The following STIP1 variants were observed in gnomAD, a reference collection of about 807,000 sequenced individuals.
STIP1 encodes the protein stress induced phosphoprotein 1.
STIP1 carries 16 observed loss-of-function variants against 77.4 expected under a neutral mutation model. That is an observed-to-expected ratio of 0.21 (90% confidence interval 0.14 to 0.31). The LOEUF (loss-of-function observed/expected upper bound fraction) is 0.31, where lower values mean the gene tolerates loss of function less well. Among genes scored for constraint, STIP1 ranks in the 10% least tolerant of loss-of-function variants. The probability of loss-of-function intolerance (pLI) is 1.00; values close to 1 mark genes in which losing one functional copy is unlikely to be tolerated. For synonymous variants in STIP1, 258 were observed against 246.6 expected, an observed-to-expected ratio of 1.05 and a Z score of -0.44; for missense variants, 524 against 684.8, an observed-to-expected ratio of 0.77 and a Z score of 2.62.
chr11:64,200,355 TCTCTCTC>T, intron 10 of STIP1, 62 bp downstream of exon 10: 1 of 1,549,064 alleles, frequency 6.5e-7, no homozygotes, highest in Non-Finnish European at 8.7e-7. Flanking sequence ...GGGTTTTCTC[TCTCTCTC>T]CTCATCAACA....
At chr11:64,192,892 A>AT (rs1277216696) in intron 1 of STIP1, among the ~76,000 whole-genome samples, 186 bp from the exon 2 acceptor site, 20 of 152,148 alleles carry the variant, frequency 1.3e-4, no homozygotes, top group Admixed American at 2.0e-4. Flanking sequence ...GCCCCTGCTT[A>AT]TTTTTTCTTT....
At chr11:64,196,435 G>T (rs373294332) in intron 5 of STIP1, among the ~76,000 whole-genome samples, 7 of 151,066 alleles carry the variant, frequency 4.6e-5, no homozygotes, top group Non-Finnish European at 7.4e-5. Flanking sequence ...AGCATTCCTA[G>T]GAGTAATGTG....
chr11:64,194,941 G>GT (rs1946132359), intron 4 of STIP1, among the ~76,000 whole-genome samples: 1 of 152,034 alleles, frequency 6.6e-6, no homozygotes, highest in Admixed American at 6.6e-5. Context: ...TGGAAACAGG[G>GT]TTGAAGTTCA....
intron 2 of STIP1, among the ~76,000 whole-genome samples, chr11:64,193,643 C>T (rs1396804957): frequency 6.6e-6 from 1 of 152,044 alleles, no homozygotes; most frequent in Non-Finnish European, 1.5e-5. Context: ...AAAATTTAGC[C>T]AGGCATGGTG....
Position 64,204,365 on chromosome 11 carries a change from T to C in STIP1, c.*239T>C, listed in dbSNP as rs1946260354. The C allele has an allele frequency of 2.0e-6, 1 of 496,804 alleles. No individual in the cohort carries two copies. The highest frequency in any genetic ancestry group is 3.5e-6 in the Non-Finnish European group (1 of 284,018). The allele number at this position is 496,804 out of a possible 1,614,324, so 30.8% of individuals were successfully genotyped here. A position where few individuals can be genotyped will look rare whatever the true frequency, so the allele number is the denominator to read the frequency against. On this transcript the variant is annotated 3_prime_UTR_variant, in exon 14 of 14. Transcript: ENST00000305218. ...GCTGCCCTCGAGTTCCATGTCTCTT[T>C]CCCCTGCCCCTAGTTGCTGTCTCGG...
At chr11:64,203,981 T>G in intron 13 of STIP1, 73 bp from the exon 14 acceptor site, 10 of 1,551,316 alleles carry the variant, frequency 6.4e-6, no homozygotes, top group Non-Finnish European at 8.9e-6. Flanking sequence ...GGGGGTTGAA[T>G]TGGGGCTTGC....
intron 1 of STIP1, among the ~76,000 whole-genome samples, chr11:64,190,840 GA>G (rs1458870530): frequency 6.6e-6 from 1 of 151,816 alleles, no homozygotes; most frequent in African/African-American, 2.4e-5. Flanking sequence ...ACCACAAAAA[GA>G]AAAAAACATT....
Position 64,197,859 on chromosome 11 carries a change from A to G in STIP1, c.908A>G (p.Tyr303Cys), listed in dbSNP as rs761224958. Residue 303 changes from tyrosine to cysteine, a missense_variant, in exon 8 of 14, where the codon TAT becomes TGT. Tyr to Cys is a radical substitution (Grantham distance 194). Transcript: ENST00000305218. ...TGTCCCTCTTTCTTTATCAGAGCATATGCTCGAATTGGCAACTCCTACTTC... is the reference window on the plus strand; with the variant it reads ...TGTCCCTCTTTCTTTATCAGAGCATGTGCTCGAATTGGCAACTCCTACTTC... The part of the protein sequence containing the change: ...REDYRQIAKA[Y>C]ARIGNSYFKE... 8 of 1,611,742 alleles carry G rather than the reference A, an allele frequency of 5.0e-6. No individual in the cohort carries two copies. The East Asian group carries it at 1.6e-4, about 31-fold the overall frequency.
rs1395114939 is a variant in STIP1, at chr11:64,193,183, G to A, written c.115G>A (p.Val39Met). 3 of 1,614,146 alleles carry A rather than the reference G, an allele frequency of 1.9e-6. No individual in the cohort carries two copies. Among genetic ancestry groups the A allele is most frequent in the Non-Finnish European group, 2.5e-6 (3 of 1,180,030 alleles). The stretch of plus-strand genomic sequence containing the variant: ...TATTAAGCTGGATCCCCACAACCAC[G>A]TGCTGTACAGCAACCGTTCTGCTGC... ...EAIKLDPHNH[V>M]LYSNRSAAYA... The change falls in exon 2 of 14, where the codon GTG (valine) becomes ATG (methionine). Residue 39 changes from valine to methionine, a missense_variant. Transcript: ENST00000305218.
rs369256383 is a variant in STIP1, at chr11:64,203,275, G to T, written c.1386+47G>T. 1.4e-4 allele frequency: 218 copies of T among 1,605,176 alleles called. 2 individuals carry two copies. The African/African-American group carries it at 2.4e-3, about 18-fold the overall frequency. ...AGGGGCCCCCCCTGCCTCTTTCTCT[G>T]TTGGGGCTTTTCCATGTTCAGTCCC... On this transcript the variant is annotated intron_variant, in intron 12 of 13. Coordinates refer to ENST00000305218, the MANE Select transcript of STIP1 (RefSeq NM_006819.3).
Position 64,193,110 on chromosome 11 carries a change from C to A in STIP1, c.42C>A (p.Ala14=), listed in dbSNP as rs777596225. The part of the protein sequence containing the change: ...VNELKEKGNK[A]LSVGNIDDAL... ...AGCTGAAGGAGAAAGGCAACAAGGC[C>A]CTGAGCGTGGGTAACATCGATGATG... Residue 14 remains alanine, a synonymous_variant, in exon 2 of 14, where the codon GCC becomes GCA. Transcript: ENST00000305218. The A allele has an allele frequency of 1.4e-5, 23 of 1,613,982 alleles. No homozygotes were observed. Among genetic ancestry groups the A allele is most frequent in the Non-Finnish European group, 1.9e-5 (23 of 1,180,038 alleles).
In STIP1 at chr11:64,194,247, G is replaced by A. The variant is rs1591008397; in HGVS notation, c.278G>A (p.Arg93Gln). The stretch of plus-strand genomic sequence containing the variant: ...TTAAACCGCTTTGAAGAAGCCAAGC[G>A]AACCTATGAGGAGGGCTTAAAACAC... Reference protein sequence around the residue: ...EFLNRFEEAKRTYEEGLKHEA... With the variant: ...EFLNRFEEAKQTYEEGLKHEA... Residue 93 changes from arginine to glutamine, a missense_variant, in exon 3 of 14, where the codon CGA becomes CAA. By Grantham distance (43) the Arg-to-Gln change is conservative (BLOSUM62 1). Transcript: ENST00000305218. 3.7e-6 allele frequency: 6 copies of A among 1,614,216 alleles called. No homozygotes were observed. Among genetic ancestry groups the A allele is most frequent in the East Asian group, 2.2e-5 (1 of 44,890 alleles).
chr11:64,198,106 T>C (rs1946171590), intron 8 of STIP1, 132 bp downstream of exon 8: 2 of 1,285,894 alleles, frequency 1.6e-6, no homozygotes, highest in Non-Finnish European at 2.1e-6. Flanking sequence ...TCACCCAGGC[T>C]GAAAGACAGT....
Position 64,197,291 on chromosome 11 carries a change from G to A in STIP1, c.693G>A (p.Leu231=). 6.2e-7 allele frequency: 1 copy of A among 1,614,068 alleles called. No homozygotes were observed. The highest frequency in any genetic ancestry group is 8.5e-7 in the Non-Finnish European group (1 of 1,180,020). The stretch of plus-strand genomic sequence containing the variant: ...TCTAGGCACTGAAAGAAAAAGAGCT[G>A]GGGAACGATGCCTACAAGAAGAAAG... ...NKKQALKEKE[L]GNDAYKKKDF... The change falls in exon 6 of 14, where the codon CTG becomes CTA. Residue 231 remains leucine, a synonymous_variant. Transcript: ENST00000305218.
At chr11:64,196,967 G>C in intron 5 of STIP1, 1 of 336,054 alleles carries the variant, frequency 3.0e-6, no homozygotes, top group South Asian at 3.2e-5. Flanking sequence ...AAACTCTGCT[G>C]TCCTCACCGG....
At chr11:64,202,938 C>G (rs765940753) in intron 11 of STIP1, 26 bp downstream of exon 11, 70 of 1,614,204 alleles carry the variant, frequency 4.3e-5, no homozygotes, top group Middle Eastern at 1.6e-4. Flanking sequence ...CTGCCTGTCC[C>G]CTGTCTCTAG....
intron 5 of STIP1, 26 bp downstream of exon 5, chr11:64,195,839 TC>T: frequency 6.2e-7 from 1 of 1,613,830 alleles, no homozygotes; most frequent in Non-Finnish European, 8.5e-7. Context: ...CTCCTCACTG[TC>T]ACCTATCTAT....
chr11:64,192,966 G>T, intron 1 of STIP1, 112 bp from the exon 2 acceptor site: 1 of 1,022,354 alleles, frequency 9.8e-7, no homozygotes, highest in Non-Finnish European at 1.5e-6. Context: ...CTTCTGATCT[G>T]TAAAGTCACC....
rs955635595 is a variant in STIP1, at chr11:64,204,402, T to C, written c.*276T>C. 27 of 452,638 alleles carry C rather than the reference T, an allele frequency of 6.0e-5. No individual in the cohort carries two copies. Among genetic ancestry groups the C allele is most frequent in the African/African-American group, 5.5e-4 (27 of 48,960 alleles). The allele number at this position is 452,638 out of a possible 1,614,324, so 28.0% of individuals were successfully genotyped here. Reference sequence around the variant, plus strand: ...AGTTGCTGTCTCGGCTGCTCTCCCATAGTTGGTTTTTTTTTTATTTGGGGC... The same window carrying C: ...AGTTGCTGTCTCGGCTGCTCTCCCACAGTTGGTTTTTTTTTTATTTGGGGC... On this transcript the variant is annotated 3_prime_UTR_variant, in exon 14 of 14. Transcript: ENST00000305218.
Sources: allele counts gnomAD v4.1 joint callset (sites outside exome capture counted in the v4.1 genomes callset), GRCh38; gene constraint gnomAD v4.1.1; transcripts MANE v1.5; gene names NCBI Gene and HGNC (gene_info 2026-07-23, HGNC 2026-07-21).